Variants in CERS6 observed in about 807,000 individuals in gnomAD.
CERS6 encodes the protein LAG1 homolog, ceramide synthase 6.
Under a neutral mutation model 56.8 loss-of-function variants are expected in CERS6, and 26 were observed. That is an observed-to-expected ratio of 0.46 (90% CI 0.34 to 0.63). The LOEUF (loss-of-function observed/expected upper bound fraction) is 0.63, where lower values mean the gene tolerates loss of function less well. Ranked by LOEUF, CERS6 falls within the 30% of genes least tolerant of loss-of-function variation. The pLI, the probability that CERS6 is intolerant of heterozygous loss-of-function variation, is 0.01. For missense variants in CERS6, 415 were observed against 467.5 expected (o/e 0.89, Z 1.04); for synonymous variants, 164 against 173.3 (o/e 0.95, Z 0.42).
intron 1 of CERS6, among the ~76,000 whole-genome samples, chr2:168,537,816 A>G (rs747766162): frequency 3.3e-5 from 5 of 152,180 alleles, no homozygotes; most frequent in African/African-American, 4.8e-5. Context: ...AGCATATCCA[A>G]CTGCCTACTG....
intron 3 of CERS6, among the ~76,000 whole-genome samples, chr2:168,603,850 G>A (rs1683990677): frequency 6.6e-6 from 1 of 152,194 alleles, no homozygotes; most frequent in Non-Finnish European, 1.5e-5. Flanking sequence ...TGTAAGAAAT[G>A]GAGTTAGGCA....
rs527839924 is a variant in CERS6, at chr2:168,491,084, A to C, written c.170+34466A>C. Among the ~76,000 whole-genome samples, 35 of 152,290 alleles carry C rather than the reference A, an allele frequency of 2.3e-4. 1 individual carries two copies. The South Asian group carries it at 7.0e-3, about 31-fold the overall frequency. On this transcript the variant is annotated intron_variant, in intron 1 of 9. Transcript: ENST00000305747. ...AGGAGTGCCAAAGAGGTGAGGGAAG[A>C]GCCTCATTGTCTGCAGGCAGTTGAC... is the stretch of plus-strand genomic sequence containing the variant.
chr2:168,607,126 T>G (rs1270787423), intron 3 of CERS6, among the ~76,000 whole-genome samples: 2 of 152,126 alleles, frequency 1.3e-5, no homozygotes, highest in African/African-American at 2.4e-5. Context: ...AATGGTTATA[T>G]TTTACATTTT....
intron 4 of CERS6, among the ~76,000 whole-genome samples, chr2:168,671,236 A>T (rs1210495336): frequency 6.6e-6 from 1 of 151,958 alleles, no homozygotes; most frequent in Non-Finnish European, 1.5e-5. Context: ...AAATGCTAGG[A>T]TTACAGACAT....
intron 1 of CERS6, among the ~76,000 whole-genome samples, chr2:168,545,146 CACAT>C (rs1197393782): frequency 2.0e-5 from 3 of 151,724 alleles, no homozygotes; most frequent in South Asian, 4.1e-4. Flanking sequence ...TTTGTAGAAA[CACAT>C]ACATGTATTT....
At chr2:168,466,776 A>G (rs1013540476) in intron 1 of CERS6, among the ~76,000 whole-genome samples, 2 of 152,062 alleles carry the variant, frequency 1.3e-5, no homozygotes, top group Middle Eastern at 3.2e-3. Flanking sequence ...TGCTTTTACT[A>G]TTATAACTTA....
intron 2 of CERS6, among the ~76,000 whole-genome samples, chr2:168,560,310 A>G (rs1300809095): frequency 6.6e-6 from 1 of 152,236 alleles, no homozygotes; most frequent in Non-Finnish European, 1.5e-5. Flanking sequence ...GGGTGGGGAC[A>G]TAGCCAAACC....
At chr2:168,678,469 A>G (rs1686124337) in intron 4 of CERS6, among the ~76,000 whole-genome samples, 4 of 152,216 alleles carry the variant, frequency 2.6e-5, no homozygotes, top group Admixed American at 2.6e-4. Context: ...CAAGGGAAGA[A>G]CAAGATTTTG....
chr2:168,665,688 CTTTACATG>C (rs146848864), intron 4 of CERS6, among the ~76,000 whole-genome samples: 2,479 of 152,220 alleles, frequency 0.016, 47 homozygotes, highest in African/African-American at 0.046. Flanking sequence ...GGCCAAGTAT[CTTTACATG>C]TTCACTGCTG....
intron 6 of CERS6, among the ~76,000 whole-genome samples, chr2:168,697,207 G>A (rs774046879): frequency 6.6e-6 from 1 of 152,180 alleles, no homozygotes; most frequent in Non-Finnish European, 1.5e-5. Context: ...GTATATATCA[G>A]CTGATTCTCA....
intron 3 of CERS6, among the ~76,000 whole-genome samples, chr2:168,614,125 A>G (rs1684252546): frequency 1.3e-5 from 2 of 152,264 alleles, no homozygotes; most frequent in African/African-American, 4.8e-5. Flanking sequence ...GGAAGGAACA[A>G]GAGCATCTTC....
chr2:168,742,133 ATG>A (rs1377509104), intron 8 of CERS6, among the ~76,000 whole-genome samples: 1 of 152,196 alleles, frequency 6.6e-6, no homozygotes, highest in Non-Finnish European at 1.5e-5. Flanking sequence ...TCTGCATGTT[ATG>A]TTGTTCACTT....
chr2:168,757,076 T>G (rs192461044), intron 8 of CERS6, among the ~76,000 whole-genome samples: 2 of 152,236 alleles, frequency 1.3e-5, no homozygotes, highest in Admixed American at 1.3e-4. Flanking sequence ...AAGCAATATA[T>G]GTAACATATT....
intron 3 of CERS6, among the ~76,000 whole-genome samples, chr2:168,596,557 T>C (rs1173609260): frequency 1.2e-3 from 137 of 115,310 alleles, no homozygotes; most frequent in South Asian, 2.3e-3. Context: ...CCCCCCCCCT[T>C]TTTTTTTTTT....
At chr2:168,586,392 T>C (rs1162726657) in intron 3 of CERS6, among the ~76,000 whole-genome samples, 1 of 152,162 alleles carries the variant, frequency 6.6e-6, no homozygotes, top group Non-Finnish European at 1.5e-5. Context: ...ATTTTTTTTT[T>C]GGTGGAAGCC....
intron 3 of CERS6, among the ~76,000 whole-genome samples, chr2:168,585,461 A>G (rs1282758999): frequency 6.6e-6 from 1 of 152,252 alleles, no homozygotes; most frequent in Non-Finnish European, 1.5e-5. Flanking sequence ...GAAGTCAGAC[A>G]GATCTGAACT....
At chr2:168,550,545 G>T (rs1159566182) in intron 2 of CERS6, among the ~76,000 whole-genome samples, 1 of 152,166 alleles carries the variant, frequency 6.6e-6, no homozygotes, top group Non-Finnish European at 1.5e-5. Flanking sequence ...TGGAGAAAGT[G>T]CAGACCCTCA....
intron 3 of CERS6, among the ~76,000 whole-genome samples, chr2:168,567,303 A>T (rs1460600503): frequency 6.6e-6 from 1 of 152,230 alleles, no homozygotes; most frequent in Non-Finnish European, 1.5e-5. Context: ...AAACAGTTTT[A>T]TATCTGTGGG....
intron 3 of CERS6, among the ~76,000 whole-genome samples, chr2:168,567,926 G>A (rs1049744942): frequency 1.3e-5 from 2 of 152,160 alleles, no homozygotes; most frequent in African/African-American, 4.8e-5. Context: ...TTGATGAACC[G>A]GACTATGGAC....
Sources: gnomAD v4.1 joint callset for allele counts (sites outside exome capture counted in the v4.1 genomes callset) on GRCh38, gnomAD v4.1.1 for gene constraint, MANE v1.5 for transcripts, NCBI Gene and HGNC (gene_info 2026-07-23, HGNC 2026-07-21) for gene names.